Variants in RICTOR observed in about 807,000 individuals in gnomAD.
RICTOR encodes the protein rapamycin-insensitive companion of mTOR.
Under a neutral mutation model 214.9 loss-of-function variants are expected in RICTOR, and 49 were observed. The observed-to-expected ratio is 0.23, with a 90% confidence interval of 0.18 to 0.29. RICTOR has a LOEUF of 0.29. Among genes scored for constraint, RICTOR ranks in the 10% least tolerant of loss-of-function variants. The pLI is 1.00. For synonymous variants in RICTOR, 717 were observed against 711.3 expected (o/e 1.01, Z -0.13); for missense variants, 1,625 against 2,047.0 (o/e 0.79, Z 3.98).
chr5:38,953,731 A>G (rs972569935), intron 27 of RICTOR, among the ~76,000 whole-genome samples, 178 bp from the exon 28 acceptor site: 11 of 151,842 alleles, frequency 7.2e-5, no homozygotes, highest in Non-Finnish European at 2.9e-5. Flanking sequence ...CTGAATTCAC[A>G]TTCTAGAATT....
rs533912335 is a variant in RICTOR at position 38,953,591 on chromosome 5, ATTT to A, written c.2698-41_2698-39del. 338 of 654,688 alleles carry A rather than the reference ATTT, an allele frequency of 5.2e-4. 3 individuals are homozygous for A. The Middle Eastern group carries it at 5.5e-3, about 11-fold the overall frequency. The allele number at this position is 654,688 out of a possible 1,614,324, so 40.6% of individuals were successfully genotyped here. On this transcript the variant is annotated intron_variant, in intron 27 of 37. Transcript: ENST00000357387. ...AAAAAAATACCATGAGTAATAATAT[ATTT>A]ATGTATTTAATATATTATTATTGCA... is the stretch of plus-strand genomic sequence containing the variant.
At chr5:38,993,910 C>T (rs992381344) in intron 6 of RICTOR, among the ~76,000 whole-genome samples, 4 of 152,116 alleles carry the variant, frequency 2.6e-5, no homozygotes, top group Non-Finnish European at 5.9e-5. Flanking sequence ...TGGCCAGGCG[C>T]GGTGGCTCAC....
At chr5:38,988,938 C>G (rs1239167136) in intron 7 of RICTOR, among the ~76,000 whole-genome samples, 1 of 152,088 alleles carries the variant, frequency 6.6e-6, no homozygotes, top group Non-Finnish European at 1.5e-5. Flanking sequence ...GCCATACTGC[C>G]CAAAGCAATT....
At chr5:39,021,884 C>T (rs1409653367) in intron 2 of RICTOR, among the ~76,000 whole-genome samples, 3 of 152,082 alleles carry the variant, frequency 2.0e-5, no homozygotes, top group East Asian at 1.9e-4. Flanking sequence ...GTAAAAGGGA[C>T]GAAATATACT....
chr5:39,024,124 G>T (rs1026356201), intron 2 of RICTOR, among the ~76,000 whole-genome samples: 1 of 152,090 alleles, frequency 6.6e-6, no homozygotes, highest in African/African-American at 2.4e-5. Context: ...TTCACAATAG[G>T]GTTTGTGCTC....
Position 38,938,040 on chromosome 5 carries a change from C to CA in RICTOR, c.*4263dup, listed in dbSNP as rs879931809. On this transcript the variant is annotated 3_prime_UTR_variant, in exon 38 of 38. Transcript: ENST00000357387. ...TTATACAAAAACAAGAAAATCACAA[C>CA]AAAAAAAATCAAGGTGAGCAAAACC... 15 of 202,260 alleles carry CA rather than the reference C, an allele frequency of 7.4e-5. No individual in the cohort carries two copies. Among genetic ancestry groups the CA allele is most frequent in the Admixed American group, 1.8e-4 (3 of 16,664 alleles). The allele number at this position is 202,260 out of a possible 1,614,324, so 12.5% of individuals were successfully genotyped here.
At chr5:38,968,469 T>TA (rs946512121) in intron 11 of RICTOR, among the ~76,000 whole-genome samples, 5 of 147,298 alleles carry the variant, frequency 3.4e-5, no homozygotes, top group Non-Finnish European at 7.5e-5. Flanking sequence ...TTCTATACTT[T>TA]AAAAAACAAA....
intron 2 of RICTOR, among the ~76,000 whole-genome samples, chr5:39,064,140 A>T (rs988041483): frequency 2.0e-5 from 3 of 152,144 alleles, no homozygotes; most frequent in Non-Finnish European, 4.4e-5. Context: ...TTACACAATT[A>T]TTTTCAATTT....
At chr5:38,960,016 T>C (rs1354437020) in intron 20 of RICTOR, 38 bp from the exon 21 acceptor site, 7 of 1,371,264 alleles carry the variant, frequency 5.1e-6, no homozygotes, top group Admixed American at 1.7e-5. Context: ...GAGAAAAGCA[T>C]TCAAAATCTG....
At position 38,949,787 on chromosome 5, in the gene RICTOR, G is replaced by A. The variant is rs2112845356; in HGVS notation, c.4061C>T (p.Pro1354Leu). ...SLSHSEALAS[P>L]AKDVLFTDTI... is the part of the protein sequence containing the mutation. ...ATCAGTAAATAGCACATCTTTTGCTGGAGATGCCAAAGCTTCAGAGTGAGA... is the reference window on the plus strand; with the variant it reads ...ATCAGTAAATAGCACATCTTTTGCTAGAGATGCCAAAGCTTCAGAGTGAGA... Residue 1354 changes from proline (P) to leucine (L), a missense_variant, in exon 31 of 38, where the codon CCA (proline) becomes CTA (leucine). Pro to Leu is a moderately conservative substitution (Grantham distance 98). Coordinates refer to ENST00000357387, the MANE Select transcript of RICTOR (RefSeq NM_152756.5). 2 of 1,613,362 alleles carry A rather than the reference G, an allele frequency of 1.2e-6. No homozygotes were observed. Among genetic ancestry groups the A allele is most frequent in the Non-Finnish European group, 1.7e-6 (2 of 1,179,468 alleles).
At chr5:39,035,469 G>A (rs963707439) in intron 2 of RICTOR, among the ~76,000 whole-genome samples, 1 of 152,182 alleles carries the variant, frequency 6.6e-6, no homozygotes, top group Non-Finnish European at 1.5e-5. Flanking sequence ...AAAGCTGGAC[G>A]GAGAATGACT....
chr5:39,036,243 A>G (rs1756682082), intron 2 of RICTOR, among the ~76,000 whole-genome samples: 1 of 152,184 alleles, frequency 6.6e-6, no homozygotes, highest in African/African-American at 2.4e-5. Flanking sequence ...GAGAAATAAA[A>G]TACTTTACAG....
chr5:39,029,940 A>T (rs181139130), intron 2 of RICTOR, among the ~76,000 whole-genome samples: 314 of 152,328 alleles, frequency 2.1e-3, no homozygotes, highest in African/African-American at 7.3e-3. Context: ...TTAACACATT[A>T]GTCTATTTAA....
intron 29 of RICTOR, 41 bp from the exon 30 acceptor site, chr5:38,952,466 G>T: frequency 7.4e-7 from 1 of 1,350,192 alleles, no homozygotes. Flanking sequence ...ATAATTCCAA[G>T]CTGAGATTTC....
chr5:38,969,540 G>C (rs992166826), intron 11 of RICTOR: 1 of 13,102 alleles, frequency 7.6e-5, no homozygotes, highest in East Asian at 0.013. Flanking sequence ...AAAGTCTACA[G>C]TAGTGTACAG....
At chr5:38,990,639 CAT>C (rs1381324325) in intron 7 of RICTOR, among the ~76,000 whole-genome samples, 2 of 82,298 alleles carry the variant, frequency 2.4e-5, no homozygotes, top group Non-Finnish European at 4.9e-5. Context: ...ATATATCTGA[CAT>C]ATATCAGATA....
chr5:38,949,481 CA>C (rs1390986221), intron 31 of RICTOR: 2 of 1,454,074 alleles, frequency 1.4e-6, no homozygotes, highest in Non-Finnish European at 1.9e-6. Flanking sequence ...ATGTCCTTTG[CA>C]AAGCATGTAT....
chr5:38,990,801 T>TATATATG (rs1580022058), intron 7 of RICTOR, 148 bp downstream of exon 7: 11 of 80,914 alleles, frequency 1.4e-4, no homozygotes, highest in East Asian at 6.8e-4. Flanking sequence ...AGATATATGA[T>TATATATG]ATATATGAGA....
intron 30 of RICTOR, 124 bp from the exon 31 acceptor site, chr5:38,950,844 C>A: frequency 1.5e-6 from 1 of 650,772 alleles, no homozygotes; most frequent in South Asian, 2.8e-5. Flanking sequence ...TAAAAATAAA[C>A]GGTTAAACCA....
Sources: gnomAD v4.1 joint callset for allele counts (sites outside exome capture counted in the v4.1 genomes callset) on GRCh38, gnomAD v4.1.1 for gene constraint, MANE v1.5 for transcripts, NCBI Gene and HGNC (gene_info 2026-07-23, HGNC 2026-07-21) for gene names.